Variants in GRIA1 observed in about 807,000 individuals in gnomAD.
GRIA1 encodes the protein glutamate receptor 1.
GRIA1 carries 31 observed loss-of-function variants against 99.2 expected under a neutral mutation model. That is an observed-to-expected ratio of 0.31 (90% CI 0.23 to 0.42). The LOEUF (loss-of-function observed/expected upper bound fraction) is 0.42. Ranked by LOEUF, GRIA1 falls within the 10% of genes least tolerant of loss-of-function variation. The probability of loss-of-function intolerance (pLI) is 1.00; values close to 1 mark genes in which losing one functional copy is unlikely to be tolerated. For missense variants in GRIA1, 782 were observed against 1,157.5 expected, an observed-to-expected ratio of 0.68 and a Z score of 4.71; for synonymous variants, 438 against 432.4, an observed-to-expected ratio of 1.01 and a Z score of -0.16.
chr5:153,498,279 C>T (rs1754636413), intron 2 of GRIA1, among the ~76,000 whole-genome samples: 1 of 152,168 alleles, frequency 6.6e-6, no homozygotes, highest in Admixed American at 6.5e-5. Context: ...CTGGCTTTGG[C>T]AAGCATTGAG....
At chr5:153,715,581 G>A (rs1331955583) in intron 11 of GRIA1, among the ~76,000 whole-genome samples, 2 of 152,092 alleles carry the variant, frequency 1.3e-5, no homozygotes, top group African/African-American at 2.4e-5. Context: ...GATATTTTGA[G>A]GATTAAATGA....
rs1374189290 is a variant in GRIA1, at chr5:153,764,632, G to T, written c.2022G>T (p.Arg674Ser). The change falls in exon 12 of 16, where the codon AGG (arginine) becomes AGT (serine). Residue 674 changes from arginine to serine, a missense_variant and splice_region_variant. Transcript: ENST00000285900. ...LEAGSTKEFF[R>S]RSKIAVFEKM... ...CAGGATCTACTAAGGAGTTCTTCAG[G>T]GTAGGGACATCCTTTGTCCCAAGAC... The T allele has an allele frequency of 1.2e-6, 2 of 1,609,446 alleles. No individual in the cohort carries two copies. The highest frequency in any genetic ancestry group is 1.1e-5 in the South Asian group (1 of 90,944).
At chr5:153,671,143 G>T (rs1237454205) in intron 5 of GRIA1, among the ~76,000 whole-genome samples, 1 of 152,164 alleles carries the variant, frequency 6.6e-6, no homozygotes, top group Non-Finnish European at 1.5e-5. Flanking sequence ...AGTAATTAAG[G>T]TTTGGCTGCA....
intron 2 of GRIA1, among the ~76,000 whole-genome samples, chr5:153,512,255 T>C (rs532650669): frequency 2.0e-5 from 3 of 152,148 alleles, no homozygotes; most frequent in Non-Finnish European, 4.4e-5. Context: ...TAAAGAGATT[T>C]GGTGACTGAC....
chr5:153,620,486 G>T (rs1404146633), intron 2 of GRIA1, among the ~76,000 whole-genome samples: 4 of 152,114 alleles, frequency 2.6e-5, no homozygotes, highest in Non-Finnish European at 5.9e-5. Flanking sequence ...AAGCGGTGGG[G>T]AAATCTCAAG....
intron 5 of GRIA1, among the ~76,000 whole-genome samples, chr5:153,664,433 T>A (rs968483913): frequency 6.6e-6 from 1 of 152,070 alleles, no homozygotes; most frequent in Non-Finnish European, 1.5e-5. Flanking sequence ...GCAGTAACCC[T>A]CTGTGGCTCT....
chr5:153,568,045 T>C (rs1761805794), intron 2 of GRIA1, among the ~76,000 whole-genome samples: 1 of 152,140 alleles, frequency 6.6e-6, no homozygotes, highest in East Asian at 1.9e-4. Flanking sequence ...TTTGTTGTTG[T>C]TTTTGCTCAA....
chr5:153,642,119 G>A (rs549945264), intron 2 of GRIA1, among the ~76,000 whole-genome samples: 1 of 152,322 alleles, frequency 6.6e-6, no homozygotes, highest in African/African-American at 2.4e-5. Flanking sequence ...AGATTCTAAT[G>A]TAGTAATGCC....
chr5:153,549,754 AAGATC>A (rs1759959839), intron 2 of GRIA1, among the ~76,000 whole-genome samples: 1 of 48,520 alleles, frequency 2.1e-5, no homozygotes, highest in Non-Finnish European at 8.2e-5. Flanking sequence ...AAATTCCAAG[AAGATC>A]TTTTTTCTAC....
chr5:153,807,251 C>T (rs952401720), intron 15 of GRIA1, among the ~76,000 whole-genome samples: 4 of 152,188 alleles, frequency 2.6e-5, no homozygotes, highest in African/African-American at 7.2e-5. Flanking sequence ...AGCACCACTG[C>T]GTGCTGGGCA....
intron 6 of GRIA1, among the ~76,000 whole-genome samples, chr5:153,675,591 T>A (rs1240085540): frequency 6.6e-6 from 1 of 152,256 alleles, no homozygotes; most frequent in Non-Finnish European, 1.5e-5. Flanking sequence ...AAACAGTGAA[T>A]CTTTGACAGA....
At chr5:153,568,833 A>G (rs1761878700) in intron 2 of GRIA1, among the ~76,000 whole-genome samples, 1 of 152,050 alleles carries the variant, frequency 6.6e-6, no homozygotes, top group African/African-American at 2.4e-5. Flanking sequence ...TCACATTTCC[A>G]ACTCTGACTT....
At chr5:153,712,758 G>T (rs1252740966) in intron 11 of GRIA1, among the ~76,000 whole-genome samples, 1 of 152,210 alleles carries the variant, frequency 6.6e-6, no homozygotes, top group Admixed American at 6.5e-5. Context: ...TGTCAAAAAT[G>T]ATGAGCAGGA....
At chr5:153,566,488 T>G (rs1761638163) in intron 2 of GRIA1, among the ~76,000 whole-genome samples, 1 of 150,202 alleles carries the variant, frequency 6.7e-6, no homozygotes, top group Non-Finnish European at 1.5e-5. Context: ...GCATTTTTAG[T>G]AGAGATGGGG....
intron 2 of GRIA1, among the ~76,000 whole-genome samples, chr5:153,645,847 G>A (rs556755833): frequency 2.2e-4 from 33 of 152,214 alleles, no homozygotes; most frequent in South Asian, 2.1e-4. Flanking sequence ...GATGTGATGA[G>A]GACTAAATAG....
At chr5:153,756,699 T>G (rs1372705655) in intron 11 of GRIA1, among the ~76,000 whole-genome samples, 2 of 152,048 alleles carry the variant, frequency 1.3e-5, no homozygotes, top group African/African-American at 4.8e-5. Flanking sequence ...CCTCTAAGCC[T>G]TCACAAGACT....
intron 2 of GRIA1, among the ~76,000 whole-genome samples, chr5:153,632,626 C>T (rs7737906): frequency 0.23 from 35,424 of 152,058 alleles, 4,538 homozygotes; most frequent in Non-Finnish European, 0.3. Context: ...TATTCCTTCA[C>T]TTGATCCTCA....
intron 8 of GRIA1, among the ~76,000 whole-genome samples, chr5:153,688,648 T>A (rs1430806633): frequency 1.3e-5 from 2 of 152,228 alleles, no homozygotes; most frequent in East Asian, 3.8e-4. Context: ...TAGCAGCTAC[T>A]GTTAAGAGTA....
chr5:153,690,256 A>AATAATATAAT (rs201443859), intron 8 of GRIA1, among the ~76,000 whole-genome samples: 2 of 150,620 alleles, frequency 1.3e-5, no homozygotes, highest in South Asian at 2.1e-4. Flanking sequence ...AAGGAATACA[A>AATAATATAAT]ATAATATAAT....
Sources: allele counts gnomAD v4.1 joint callset (sites outside exome capture counted in the v4.1 genomes callset), GRCh38; gene constraint gnomAD v4.1.1; transcripts MANE v1.5; gene names NCBI Gene and HGNC (gene_info 2026-07-23, HGNC 2026-07-21).